Variants in KIF13A observed in about 807,000 individuals in gnomAD.
KIF13A encodes kinesin family member 13A.
Under a neutral mutation model 212.2 loss-of-function variants are expected in KIF13A, and 79 were observed. The observed-to-expected ratio is 0.37, with a 90% CI of 0.31 to 0.45. KIF13A has a LOEUF of 0.45. Ranked by LOEUF, KIF13A falls within the 20% of genes least tolerant of loss-of-function variation. The pLI, the probability that KIF13A is intolerant of heterozygous loss-of-function variation, is 1.00. For missense variants in KIF13A, 1,901 were observed against 2,209.0 expected, an observed-to-expected ratio of 0.86 and a Z score of 2.79; for synonymous variants, 789 against 808.6, an observed-to-expected ratio of 0.98 and a Z score of 0.41.
At position 17,978,820 on chromosome 6, in the gene KIF13A, T is replaced by G. The variant is rs1017009730; in HGVS notation, c.146+8234A>C. Among the ~76,000 whole-genome samples the G allele has an allele frequency of 4.6e-5, 7 of 152,358 alleles. No homozygotes were observed. In the South Asian group the frequency reaches 8.3e-4, roughly 18 times the overall value. ...ATGGAAGACAATTCAAGTTTTCCAC[T>G]ATTTCTAGCTGGATTTCACCACCGG... On this transcript the variant is annotated intron_variant, in intron 2 of 38. Transcript: ENST00000259711.
Position 17,886,035 on chromosome 6 carries a change from T to A in KIF13A, c.159+12133A>T, listed in dbSNP as rs1771511301. On this transcript the variant is annotated intron_variant, in intron 3 of 38. Coordinates refer to ENST00000259711, the MANE Select transcript of KIF13A (RefSeq NM_022113.6). This position sits in a 1 kb window ranked among gnomAD's most constrained non-coding sequence, Gnocchi z 5.6. ...ATATTTTCAAACACAGAATACTTCT[T>A]CTTCAATAAAAACAGTCCAAAAGAT... 6.6e-6 allele frequency among the ~76,000 whole-genome samples: 1 copy of A among 152,230 alleles called. No individual in the cohort carries two copies. The highest frequency in any genetic ancestry group is 2.4e-5 in the African/African-American group (1 of 41,462).
intron 2 of KIF13A, chr6:17,950,848 T>C (rs1777785955): frequency 1.0e-6 from 1 of 981,682 alleles, no homozygotes; most frequent in East Asian, 1.1e-4. Context: ...TCTCAAAAAA[T>C]ACAACACTAT....
intron 3 of KIF13A, among the ~76,000 whole-genome samples, chr6:17,877,778 GA>G (rs918218839): frequency 6.8e-5 from 10 of 146,916 alleles, no homozygotes; most frequent in African/African-American, 1.8e-4. Context: ...TAAATATTAA[GA>G]AAAAAAAAAT....
Position 17,883,850 on chromosome 6 carries a change from G to T in KIF13A, c.160-10413C>A, listed in dbSNP as rs184832224. On this transcript the variant is annotated intron_variant, in intron 3 of 38. Coordinates refer to ENST00000259711, the MANE Select transcript of KIF13A (RefSeq NM_022113.6). This position sits in a 1 kb window ranked among gnomAD's most constrained non-coding sequence, Gnocchi z 4.8. ...GAGGATCACTTGAGCCTGGGAGTTT[G>T]AGGCTGCAATGAGCTATGATCACAC... Among the ~76,000 whole-genome samples the T allele has an allele frequency of 3.7e-3, 562 of 152,026 alleles. 7 individuals are homozygous for T. The highest frequency in any genetic ancestry group is 0.012 in the African/African-American group (516 of 41,450).
At position 17,984,582 on chromosome 6, in the gene KIF13A, TCTG is replaced by T; in HGVS notation, c.146+2469_146+2471del. The T allele has an allele frequency of 1.0e-5, 10 of 980,698 alleles. No individual in the cohort carries two copies. Among genetic ancestry groups the T allele is most frequent in the Non-Finnish European group, 1.2e-5 (10 of 825,872 alleles). 60.7% of individuals were successfully genotyped at this position (980,698 alleles called of 1,614,324 possible). ...GGGGAAACAATGAAAGCTGACCCCATCTGTTTTTTTTTTTTTTCCCTGGACGTC... is the reference window on the plus strand; with the variant it reads ...GGGGAAACAATGAAAGCTGACCCCATTTTTTTTTTTTTTTCCCTGGACGTC... On this transcript the variant is annotated intron_variant, in intron 2 of 38. Coordinates refer to ENST00000259711, the MANE Select transcript of KIF13A (RefSeq NM_022113.6). This position sits in a 1 kb window ranked among gnomAD's most constrained non-coding sequence, Gnocchi z 5.0.
intron 2 of KIF13A, among the ~76,000 whole-genome samples, chr6:17,941,792 T>TC (rs1211153464): frequency 6.6e-6 from 1 of 151,020 alleles, no homozygotes; most frequent in East Asian, 1.9e-4. Context: ...ACATTTGCTT[T>TC]TTTTTTTTTT....
chr6:17,931,268 G>A (rs946772730), intron 2 of KIF13A, among the ~76,000 whole-genome samples: 2 of 152,092 alleles, frequency 1.3e-5, no homozygotes, highest in Non-Finnish European at 2.9e-5. Flanking sequence ...ATTCTTTACT[G>A]TTCTTTCAGA....
intron 4 of KIF13A, among the ~76,000 whole-genome samples, chr6:17,860,469 G>A (rs984525731): frequency 2.0e-5 from 3 of 152,124 alleles, no homozygotes; most frequent in Admixed American, 2.0e-4. Context: ...GATTACGTGT[G>A]AGCCACTGTG....
chr6:17,913,114 T>A (rs1774214433), intron 2 of KIF13A, among the ~76,000 whole-genome samples: 1 of 151,752 alleles, frequency 6.6e-6, no homozygotes, highest in African/African-American at 2.4e-5. Flanking sequence ...TATATATTTA[T>A]ATATTTTAAG....
rs758503405 is a variant in KIF13A at position 17,796,701 on chromosome 6, A to C, written c.2910T>G (p.Ser970=). The part of the protein sequence containing the change: ...GNGSSIWEVD[S]LHAKTRTLHD... Reference sequence around the variant, plus strand: ...GCAGTGTTCTTGTCTTAGCATGAAGAGAATCGACCTCCCAGATGGAGCTGC... The same window carrying C: ...GCAGTGTTCTTGTCTTAGCATGAAGCGAATCGACCTCCCAGATGGAGCTGC... Residue 970 remains serine (S), a synonymous_variant, in exon 23 of 39, where the codon TCT becomes TCG. Transcript: ENST00000259711. The C allele has an allele frequency of 6.3e-7, 1 of 1,581,136 alleles. No homozygotes were observed. The highest frequency in any genetic ancestry group is 1.8e-5 in the Admixed American group (1 of 56,362).
At chr6:17,923,525 C>A (rs1051831208) in intron 2 of KIF13A, among the ~76,000 whole-genome samples, 1 of 150,512 alleles carries the variant, frequency 6.6e-6, no homozygotes, top group African/African-American at 2.4e-5. Context: ...GGCATGAATC[C>A]CTGGGTTTGG....
At position 17,826,130 on chromosome 6, in the gene KIF13A, A is replaced by G; in HGVS notation, c.1533-6T>C. ...GGGTGCCGTTCACACAGGACCTGGG[A>G]GAACACGAGGGAAAATACCAGGTAA... On this transcript the variant is annotated splice_polypyrimidine_tract_variant and splice_region_variant and intron_variant, in intron 14 of 38. Transcript: ENST00000259711. The surrounding 1 kb of genome is among the most constrained non-coding windows in gnomAD (Gnocchi z 4.7). 1 of 1,611,876 alleles carries G rather than the reference A, an allele frequency of 6.2e-7. No homozygotes were observed.
chr6:17,922,991 G>C (rs1156427407), intron 2 of KIF13A, among the ~76,000 whole-genome samples: 2 of 151,838 alleles, frequency 1.3e-5, no homozygotes, highest in African/African-American at 4.8e-5. Context: ...AGTAAGCAAG[G>C]CCAGGCATGG....
At position 17,809,201 on chromosome 6, in the gene KIF13A, A is replaced by T. The variant is rs1763226164; in HGVS notation, c.2001-271T>A. Among the ~76,000 whole-genome samples, 1 of 152,222 alleles carries T rather than the reference A, an allele frequency of 6.6e-6. No homozygotes were observed. The highest frequency in any genetic ancestry group is 6.5e-5 in the Admixed American group (1 of 15,274). Reference sequence around the variant, plus strand: ...AAAACGATCAGATTGTGATAGGAGGATGCAAAAAACCAGTACAGGAATCTT... The same window carrying T: ...AAAACGATCAGATTGTGATAGGAGGTTGCAAAAAACCAGTACAGGAATCTT... On this transcript the variant is annotated intron_variant, in intron 17 of 38. Transcript: ENST00000259711. This position sits in a 1 kb window ranked among gnomAD's most constrained non-coding sequence, Gnocchi z 4.7.
rs1413320345 is a variant in KIF13A at position 17,984,589 on chromosome 6, T to G, written c.146+2465A>C. Reference sequence around the variant, plus strand: ...CAATGAAAGCTGACCCCATCTGTTTTTTTTTTTTTTCCCTGGACGTCAATG... The same window carrying G: ...CAATGAAAGCTGACCCCATCTGTTTGTTTTTTTTTTCCCTGGACGTCAATG... On this transcript the variant is annotated intron_variant, in intron 2 of 38. Transcript: ENST00000259711. This position sits in a 1 kb window ranked among gnomAD's most constrained non-coding sequence, Gnocchi z 5.0. 2.0e-6 allele frequency: 2 copies of G among 981,018 alleles called. No homozygotes were observed. The highest frequency in any genetic ancestry group is 1.8e-5 in the African/African-American group (1 of 57,128). 60.8% of individuals were successfully genotyped at this position (981,018 alleles called of 1,614,324 possible). A position where few individuals can be genotyped will look rare whatever the true frequency, so the allele number is the denominator to read the frequency against.
Position 17,915,608 on chromosome 6 carries a change from A to G in KIF13A, c.147-17428T>C, listed in dbSNP as rs1774424255. 6.6e-6 allele frequency among the ~76,000 whole-genome samples: 1 copy of G among 152,174 alleles called. No homozygotes were observed. The highest frequency in any genetic ancestry group is 2.4e-5 in the African/African-American group (1 of 41,438). ...CTCAGCAGCCTACTGATTCTGTAGG[A>G]CATCACTGCAGAACCATGTAGTTTC... On this transcript the variant is annotated intron_variant, in intron 2 of 38. Coordinates refer to ENST00000259711, the MANE Select transcript of KIF13A (RefSeq NM_022113.6). This position sits in a 1 kb window ranked among gnomAD's most constrained non-coding sequence, Gnocchi z 4.4.
chr6:17,924,673 A>G (rs764367958), intron 2 of KIF13A, among the ~76,000 whole-genome samples: 9 of 152,350 alleles, frequency 5.9e-5, no homozygotes, highest in Middle Eastern at 6.8e-3. Context: ...ACAAGGACAA[A>G]GAGTTATAGG....
At position 17,945,029 on chromosome 6, in the gene KIF13A, T is replaced by C. The variant is rs137881229; in HGVS notation, c.146+42025A>G. 2.0e-5 allele frequency among the ~76,000 whole-genome samples: 3 copies of C among 152,268 alleles called. No homozygotes were observed. In the East Asian group the frequency reaches 5.8e-4, roughly 29 times the overall value. The stretch of plus-strand genomic sequence containing the variant: ...GGTTCACATCTGTAATTCCAGCACT[T>C]TGGGAGGCCAAGGTGGAAGGATCAT... On this transcript the variant is annotated intron_variant, in intron 2 of 38. Coordinates refer to ENST00000259711, the MANE Select transcript of KIF13A (RefSeq NM_022113.6).
intron 4 of KIF13A, among the ~76,000 whole-genome samples, chr6:17,868,215 C>CT (rs1188689391): frequency 4.0e-5 from 6 of 151,556 alleles, no homozygotes; most frequent in Admixed American, 2.0e-4. Context: ...TACCAGACTG[C>CT]TTTTTTTTTA....
Sources: allele counts gnomAD v4.1 joint callset (sites outside exome capture counted in the v4.1 genomes callset), GRCh38; gene constraint gnomAD v4.1.1; non-coding constraint Gnocchi (gnomAD v3.1); transcripts MANE v1.5; gene names NCBI Gene and HGNC (gene_info 2026-07-23, HGNC 2026-07-21).